Variants in ERCC6L2 observed in about 807,000 individuals in gnomAD.
The protein encoded by ERCC6L2 is DNA excision repair protein ERCC-6-like 2.
Under a neutral mutation model 132.0 loss-of-function variants are expected in ERCC6L2, and 77 were observed. The ratio of observed to expected loss-of-function variants is 0.58; its 90% CI spans 0.49 to 0.71. ERCC6L2 has a LOEUF of 0.71. Among genes scored for constraint, ERCC6L2 ranks in the 30% least tolerant of loss-of-function variants. ERCC6L2 has a pLI of 0.00. For synonymous variants in ERCC6L2, 583 were observed against 632.4 expected (o/e 0.92, Z 1.17); for missense variants, 1,542 against 1,837.6 (o/e 0.84, Z 2.94).
intron 17 of ERCC6L2, among the ~76,000 whole-genome samples, chr9:95,992,216 T>C (rs976847600): frequency 1.3e-5 from 2 of 152,236 alleles, no homozygotes; most frequent in East Asian, 3.8e-4. Context: ...TTTTAAAAAG[T>C]TCCTTATGTT....
intron 2 of ERCC6L2, among the ~76,000 whole-genome samples, chr9:95,890,834 A>C (rs906303909): frequency 3.9e-5 from 6 of 152,030 alleles, no homozygotes; most frequent in African/African-American, 1.4e-4. Flanking sequence ...AGGCCTGGGT[A>C]ATTTTTGTAC....
At position 95,876,249 on chromosome 9, in the gene ERCC6L2, G is replaced by C. The variant is rs913578200; in HGVS notation, c.46+165G>C. 4 of 597,022 alleles carry C rather than the reference G, an allele frequency of 6.7e-6. No individual in the cohort carries two copies. In the African/African-American group the frequency reaches 7.5e-5, roughly 11 times the overall value. The allele number at this position is 597,022 out of a possible 1,614,324, so 37.0% of individuals were successfully genotyped here. A position where few individuals can be genotyped will look rare whatever the true frequency, so the allele number is the denominator to read the frequency against. On this transcript the variant is annotated intron_variant, in intron 1 of 18. Transcript: ENST00000653738. ...GGCCTGGAACCAAATCTCCGATTCA[G>C]TGTTGAGAACCTGGACTCGGGAGTC...
intron 11 of ERCC6L2, chr9:95,929,102 T>C (rs759936144): frequency 1.2e-4 from 36 of 293,510 alleles, no homozygotes; most frequent in Non-Finnish European, 1.8e-4. Flanking sequence ...AATAAAAAAA[T>C]TGATACTTCC....
intron 19 of ERCC6L2, chr9:96,025,735 C>G (rs189569776): frequency 4.0e-4 from 61 of 152,334 alleles, no homozygotes; most frequent in African/African-American, 1.4e-3. Context: ...CACCAGTAAT[C>G]TTCAATAAGA....
downstream of ERCC6L2, among the ~76,000 whole-genome samples, chr9:96,022,535 C>A (rs1306715539): frequency 1.3e-5 from 2 of 152,186 alleles, no homozygotes; most frequent in Non-Finnish European, 2.9e-5. Context: ...TAATTCAGAG[C>A]CCGTCAGCCC....
intron 6 of ERCC6L2, chr9:95,918,360 A>C (rs1463603342): frequency 2.8e-6 from 1 of 362,740 alleles, no homozygotes; most frequent in African/African-American, 2.1e-5. Context: ...AACAGGAGGT[A>C]ATCTGGGTGC....
At chr9:95,881,649 A>C (rs1257957584) in intron 2 of ERCC6L2, among the ~76,000 whole-genome samples, 2 of 152,228 alleles carry the variant, frequency 1.3e-5, no homozygotes, top group South Asian at 4.1e-4. Flanking sequence ...GCCACATAGC[A>C]TGGTTAAATT....
At position 95,962,207 on chromosome 9, in the gene ERCC6L2, A is replaced by G. The variant is rs184579700; in HGVS notation, c.1948-4355A>G. On this transcript the variant is annotated intron_variant, in intron 13 of 18. Coordinates refer to ENST00000653738, the MANE Select transcript of ERCC6L2 (RefSeq NM_020207.7). ...AATAAAATAAGACCATTTGCATTGT[A>G]TATTCTGCAAAAGCTTTTTTAAAAA... 1.5e-3 allele frequency among the ~76,000 whole-genome samples: 226 copies of G among 152,266 alleles called. 1 individual carries two copies. Among genetic ancestry groups the G allele is most frequent in the African/African-American group, 5.2e-3 (218 of 41,572 alleles).
chr9:95,934,714 C>G (rs1287429536), intron 11 of ERCC6L2, among the ~76,000 whole-genome samples: 9 of 152,116 alleles, frequency 5.9e-5, no homozygotes, highest in African/African-American at 2.2e-4. Context: ...TTCATACTTA[C>G]TAACTTGTGA....
chr9:95,992,229 C>A (rs1833327310), intron 17 of ERCC6L2, among the ~76,000 whole-genome samples: 4 of 152,110 alleles, frequency 2.6e-5, no homozygotes, highest in Non-Finnish European at 5.9e-5. Context: ...CTTATGTTAA[C>A]ATGTAATGGG....
At chr9:95,945,692 A>T (rs151335820) in intron 12 of ERCC6L2, among the ~76,000 whole-genome samples, 694 of 152,340 alleles carry the variant, frequency 4.6e-3, no homozygotes, top group Non-Finnish European at 7.7e-3. Flanking sequence ...GGCTTCAGCC[A>T]GTCCCTCCGT....
intron 12 of ERCC6L2, among the ~76,000 whole-genome samples, chr9:95,948,737 G>A (rs2132932779): frequency 6.6e-6 from 1 of 151,402 alleles, no homozygotes; most frequent in East Asian, 1.9e-4. Context: ...AAAGACTTGG[G>A]GAGTTGGCTG....
At chr9:96,027,454 C>T (rs1050299637) in intron 19 of ERCC6L2, among the ~76,000 whole-genome samples, 21 of 152,314 alleles carry the variant, frequency 1.4e-4, no homozygotes, top group African/African-American at 4.1e-4. Context: ...GGCAGCCCGG[C>T]GCGGGAGAGG....
intron 4 of ERCC6L2, among the ~76,000 whole-genome samples, chr9:95,910,900 C>G (rs1445588750): frequency 6.6e-6 from 1 of 152,042 alleles, no homozygotes; most frequent in Non-Finnish European, 1.5e-5. Flanking sequence ...CCATCTAACG[C>G]CAGACCTCAG....
chr9:95,921,077 T>C (rs1829845003), intron 6 of ERCC6L2, 98 bp from the exon 7 acceptor site: 1 of 1,227,932 alleles, frequency 8.1e-7, no homozygotes, highest in South Asian at 1.6e-5. Context: ...GCCCGGCCAG[T>C]TTTCACTGTT....
At chr9:96,008,042 A>G (rs529770230) in intron 18 of ERCC6L2, among the ~76,000 whole-genome samples, 11 of 152,252 alleles carry the variant, frequency 7.2e-5, no homozygotes, top group Middle Eastern at 6.8e-3. Flanking sequence ...CACCTTCCAC[A>G]CTGCCACACA....
At chr9:95,899,760 A>T (rs933054356) in intron 3 of ERCC6L2, among the ~76,000 whole-genome samples, 1 of 151,798 alleles carries the variant, frequency 6.6e-6, no homozygotes, top group African/African-American at 2.4e-5. Context: ...AGTCCTTGAT[A>T]TAAAATAGTG....
In ERCC6L2 at chr9:95,981,059, C is replaced by T. The variant is rs565572499; in HGVS notation, c.3492+2844C>T. 1.4e-3 allele frequency among the ~76,000 whole-genome samples: 214 copies of T among 152,130 alleles called. 1 individual carries two copies. Among genetic ancestry groups the T allele is most frequent in the Non-Finnish European group, 2.4e-3 (165 of 68,018 alleles). ...GTATTGTCTCAGTAAGAAAATAAAT[C>T]CTATTTGTTTTATGAAATCAGTACA... On this transcript the variant is annotated intron_variant, in intron 17 of 18. Transcript: ENST00000653738.
At chr9:95,986,700 T>C (rs1833110184) in intron 17 of ERCC6L2, among the ~76,000 whole-genome samples, 1 of 152,046 alleles carries the variant, frequency 6.6e-6, no homozygotes, top group African/African-American at 2.4e-5. Context: ...TTTTGCCATG[T>C]TGCTGAGGCT....
Sources: allele counts gnomAD v4.1 joint callset (sites outside exome capture counted in the v4.1 genomes callset), GRCh38; gene constraint gnomAD v4.1.1; transcripts MANE v1.5; gene names NCBI Gene and HGNC (gene_info 2026-07-23, HGNC 2026-07-21).